VRTN: variants seen among roughly 807,000 people sequenced by gnomAD.
VRTN encodes vertebrae development associated, also known as vertnin.
A neutral mutation model predicts 18.2 loss-of-function variants in VRTN; 5 were observed. That is an observed-to-expected ratio of 0.27 (90% CI 0.14 to 0.58). VRTN has a LOEUF of 0.58. VRTN is among the 20% of genes least tolerant of loss of function. VRTN has a pLI of 0.91. For synonymous variants in VRTN, 381 were observed against 393.7 expected (o/e 0.97, Z 0.38); for missense variants, 741 against 939.4 (o/e 0.79, Z 2.76).
intron 1 of VRTN, among the ~76,000 whole-genome samples, chr14:74,335,018 A>G (rs2085554390): frequency 6.6e-6 from 1 of 152,192 alleles, no homozygotes; most frequent in Admixed American, 6.5e-5. Flanking sequence ...ACGGTGGCTC[A>G]CACCTGTAAT....
At chr14:74,329,239 C>T (rs1162405823) in intron 1 of VRTN, among the ~76,000 whole-genome samples, 1 of 151,036 alleles carries the variant, frequency 6.6e-6, no homozygotes, top group Non-Finnish European at 1.5e-5. Context: ...CATGCCACTG[C>T]ACTCCAGCCT....
Position 74,316,637 on chromosome 14 carries a change from C to CTT in VRTN, c.-164+13477_-164+13478dup, listed in dbSNP as rs370697776. On this transcript the variant is annotated intron_variant, in intron 1 of 2. Transcript: ENST00000557177. ...GCAAATGCCCAAAGGAGGGATTATT[C>CTT]TTTTTTTTTTTTTTTTTGAGATGGA... is the stretch of plus-strand genomic sequence containing the variant. Among the ~76,000 whole-genome samples, 342 of 131,190 alleles carry CTT rather than the reference C, an allele frequency of 2.6e-3. 3 individuals are homozygous for CTT. The highest frequency in any genetic ancestry group is 7.5e-3 in the African/African-American group (262 of 34,842). The allele number at this position is 131,190 out of a possible 152,430, so 86.1% of individuals were successfully genotyped here.
chr14:74,342,553 C>G (rs2085614121), intron 2 of VRTN, among the ~76,000 whole-genome samples: 1 of 151,472 alleles, frequency 6.6e-6, no homozygotes, highest in Non-Finnish European at 1.5e-5. Flanking sequence ...ACACACTGTA[C>G]AAAGCTCTGA....
At chr14:74,347,535 G>T (rs530648842), upstream of VRTN, among the ~76,000 whole-genome samples, 352 of 152,354 alleles carry the variant, frequency 2.3e-3, no homozygotes, top group African/African-American at 8.2e-3. Context: ...TGGTTGTCAG[G>T]GGAGAGACAG....
Position 74,342,491 on chromosome 14 carries a change from GTATA to G in VRTN, c.-2+4611_-2+4614del, listed in dbSNP as rs368731845. Among the ~76,000 whole-genome samples the G allele has an allele frequency of 5.7e-3, 871 of 152,056 alleles. 4 individuals carry two copies. The highest frequency in any genetic ancestry group is 7.1e-3 in the Non-Finnish European group (482 of 68,018). On this transcript the variant is annotated intron_variant, in intron 2 of 2. Transcript: ENST00000557177. ...TGTATATGCGCACATACACGTGAAT[GTATA>G]TATGTGTATGTGTGTGCATATATGT...
At chr14:74,349,256 C>A (rs540315380) in intron 1 of VRTN, among the ~76,000 whole-genome samples, 2 of 131,640 alleles carry the variant, frequency 1.5e-5, no homozygotes, top group African/African-American at 5.9e-5. Flanking sequence ...CCAGCCAACC[C>A]TGGCAGCTGC....
rs67857502 is a variant in VRTN at position 74,332,335 on chromosome 14, GTTTTTTTTTTTTTTTTTTT to G, written c.-163-5365_-163-5347del. Among the ~76,000 whole-genome samples, 291 of 39,586 alleles carry G rather than the reference GTTTTTTTTTTTTTTTTTTT, an allele frequency of 7.4e-3. 7 individuals carry two copies. Among genetic ancestry groups the G allele is most frequent in the African/African-American group, 0.021 (259 of 12,360 alleles). 26.0% of individuals were successfully genotyped at this position (39,586 alleles called of 152,430 possible). A position where few individuals can be genotyped will look rare whatever the true frequency, so the allele number is the denominator to read the frequency against. On this transcript the variant is annotated intron_variant, in intron 1 of 2. Coordinates refer to the VRTN transcript ENST00000557177. Reference sequence around the variant, plus strand: ...CCTCCGGAGGATCGACTCCTAATCTGTTTTTTTTTTTTTTTTTTTTTTTTTTTTTTTTTTTTTTTTTAGA... The same window carrying G: ...CCTCCGGAGGATCGACTCCTAATCTGTTTTTTTTTTTTTTTTTTTTTTAGA...
At chr14:74,307,511 A>G (rs894850652) in intron 1 of VRTN, among the ~76,000 whole-genome samples, 1 of 152,082 alleles carries the variant, frequency 6.6e-6, no homozygotes, top group African/African-American at 2.4e-5. Flanking sequence ...TTTAATTTCA[A>G]TTCAGCTTTC....
At chr14:74,338,485 G>A (rs968216390) in intron 2 of VRTN, among the ~76,000 whole-genome samples, 5 of 152,202 alleles carry the variant, frequency 3.3e-5, no homozygotes, top group Admixed American at 6.5e-5. Context: ...GGAAGACTGC[G>A]TTCACTCTTT....
chr14:74,352,200 G>A (rs1451287303), intron 1 of VRTN, among the ~76,000 whole-genome samples: 1 of 150,138 alleles, frequency 6.7e-6, no homozygotes, highest in Admixed American at 6.7e-5. Context: ...TTATTTTTGA[G>A]ATGGAGTCTC....
At chr14:74,353,616 C>T (rs1389398025) in intron 1 of VRTN, among the ~76,000 whole-genome samples, 1 of 152,066 alleles carries the variant, frequency 6.6e-6, no homozygotes, top group African/African-American at 2.4e-5. Context: ...TTATATCTAC[C>T]AGTGTATATT....
At chr14:74,331,547 TATATATATATATATATATATA>T (rs2085525452) in intron 1 of VRTN, among the ~76,000 whole-genome samples, 2 of 26,726 alleles carry the variant, frequency 7.5e-5, no homozygotes, top group African/African-American at 5.1e-4. Context: ...AAAAATTTTA[TATATATATATATATATATATA>T]TATATATATA....
At chr14:74,324,387 C>CAA (rs34158619) in intron 1 of VRTN, among the ~76,000 whole-genome samples, 12 of 73,168 alleles carry the variant, frequency 1.6e-4, no homozygotes, top group Non-Finnish European at 2.2e-4. Flanking sequence ...GACTCTGACT[C>CAA]AAAAAAAAAA....
In VRTN at chr14:74,357,687, C is replaced by G. The variant is rs1595177575; in HGVS notation, c.904C>G (p.Gln302Glu). Residue 302 changes from glutamine (Q) to glutamate (E), a missense_variant, in exon 2 of 2, where the codon CAG becomes GAG. Gln to Glu is a conservative substitution (Grantham distance 29). Around this residue, in one of 3 missense-constraint regions of VRTN, gnomAD observed 494 missense variants for 546.5 expected, o/e 0.90. Coordinates refer to ENST00000256362, the MANE Select transcript of VRTN (RefSeq NM_018228.3). The surrounding 1 kb of genome is among the most constrained non-coding windows in gnomAD (Gnocchi z 7.8). Reference protein sequence around the residue: ...TKSTFYRWRRQSQEHRQKVAA... With the variant: ...TKSTFYRWRRESQEHRQKVAA... ...AAGCACCTTCTACCGCTGGCGGCGG[C>G]AGTCCCAGGAGCACCGGCAGAAGGT... 6.2e-7 allele frequency: 1 copy of G among 1,613,566 alleles called. No individual in the cohort carries two copies. The highest frequency in any genetic ancestry group is 1.3e-5 in the African/African-American group (1 of 75,066).
chr14:74,314,228 C>T (rs2085405484), intron 1 of VRTN, among the ~76,000 whole-genome samples: 1 of 151,848 alleles, frequency 6.6e-6, no homozygotes, highest in South Asian at 2.1e-4. Context: ...AACTTCTGGG[C>T]TCAAGCTATC....
At chr14:74,333,784 G>A (rs2085544949) in intron 1 of VRTN, among the ~76,000 whole-genome samples, 1 of 151,548 alleles carries the variant, frequency 6.6e-6, no homozygotes, top group Non-Finnish European at 1.5e-5. Flanking sequence ...AGGTTGCGGT[G>A]AGCCAAGATC....
At chr14:74,346,853 A>C (rs2085647672), upstream of VRTN, among the ~76,000 whole-genome samples, 1 of 152,150 alleles carries the variant, frequency 6.6e-6, no homozygotes, top group Non-Finnish European at 1.5e-5. Flanking sequence ...GAAAGATTCC[A>C]TTAGCCTTTT....
intron 1 of VRTN, among the ~76,000 whole-genome samples, chr14:74,327,466 A>G (rs2085495306): frequency 6.6e-6 from 1 of 152,142 alleles, no homozygotes; most frequent in Non-Finnish European, 1.5e-5. Context: ...ATCCGCAGGG[A>G]TGGCCCCACC....
chr14:74,320,579 T>C (rs2085449463), intron 1 of VRTN, among the ~76,000 whole-genome samples: 2 of 59,686 alleles, frequency 3.4e-5, no homozygotes, highest in African/African-American at 1.7e-4. Context: ...TTTTTTTTTT[T>C]TTTTTTTTTT....
Sources: allele counts gnomAD v4.1 joint callset (sites outside exome capture counted in the v4.1 genomes callset), GRCh38; gene constraint gnomAD v4.1.1; regional missense constraint gnomAD v4.1.1; non-coding constraint Gnocchi (gnomAD v3.1); transcripts MANE v1.5; gene names NCBI Gene and HGNC (gene_info 2026-07-23, HGNC 2026-07-21).